Variants in SPG11 observed in about 807,000 individuals in gnomAD.
The protein encoded by SPG11 is spatacsin.
A neutral mutation model predicts 274.0 loss-of-function variants in SPG11; 222 were observed. The ratio of observed to expected loss-of-function variants is 0.81; its 90% CI spans 0.73 to 0.91. The LOEUF is 0.91. Among genes scored for constraint, SPG11 ranks in the 40% least tolerant of loss-of-function variants. SPG11 has a pLI of 0.00. For missense variants in SPG11, 3,114 were observed against 2,872.7 expected, an observed-to-expected ratio of 1.08 and a Z score of -1.92; for synonymous variants, 1,144 against 1,039.7, an observed-to-expected ratio of 1.10 and a Z score of -1.93.
Position 44,584,511 on chromosome 15 carries a change from T to A in SPG11, c.5169A>T (p.Leu1723=), listed in dbSNP as rs1180917772. ...QTLKHIEQWS[L]KQARIDFWKK... Reference sequence around the variant, plus strand: ...TCCAGAAGTCAATTCTTGCTTGTTTTAGTGACCACTGTTCAATGTGTTTTA... The same window carrying A: ...TCCAGAAGTCAATTCTTGCTTGTTTAAGTGACCACTGTTCAATGTGTTTTA... Residue 1723 remains leucine (L), a synonymous_variant, in exon 30 of 40, where the codon CTA becomes CTT. Transcript: ENST00000261866. The A allele has an allele frequency of 1.2e-6, 2 of 1,613,642 alleles. No homozygotes were observed. Among genetic ancestry groups the A allele is most frequent in the Non-Finnish European group, 1.7e-6 (2 of 1,180,048 alleles).
chr15:44,613,363 A>C, intron 17 of SPG11, 67 bp downstream of exon 17: 1 of 1,015,758 alleles, frequency 9.8e-7, no homozygotes, highest in Non-Finnish European at 1.6e-6. Context: ...TCACAAGTTT[A>C]ATACCATTCA....
intron 20 of SPG11, among the ~76,000 whole-genome samples, chr15:44,604,680 G>C (rs2083275078): frequency 6.6e-6 from 1 of 152,064 alleles, no homozygotes; most frequent in African/African-American, 2.4e-5. Context: ...TGTAATCCCA[G>C]CACTTTGGGA....
intron 23 of SPG11, among the ~76,000 whole-genome samples, chr15:44,597,760 G>T (rs1374946299): frequency 1.3e-5 from 2 of 152,200 alleles, no homozygotes; most frequent in African/African-American, 4.8e-5. Context: ...CCCCAGTGGG[G>T]CAGCATAAAG....
intron 7 of SPG11, among the ~76,000 whole-genome samples, chr15:44,637,633 A>T (rs1256085172): frequency 6.6e-6 from 1 of 152,162 alleles, no homozygotes; most frequent in African/African-American, 2.4e-5. Context: ...TTCAATTTTC[A>T]AGCACATGGA....
chr15:44,610,928 T>C lies in SPG11; in HGVS notation c.3203A>G (p.Asn1068Ser), dbSNP rs1439670067. The C allele has an allele frequency of 2.5e-6, 4 of 1,613,652 alleles. No individual in the cohort carries two copies. The highest frequency in any genetic ancestry group is 1.1e-5 in the South Asian group (1 of 91,062). The change falls in exon 18 of 40, where the codon AAT becomes AGT. Residue 1068 changes from asparagine to serine, a missense_variant. Asn to Ser is a conservative substitution (Grantham distance 46, BLOSUM62 1). Transcript: ENST00000261866. ...TAGCATACTGCTTACACTGGCCTGATTGGTGGGAATCAAAATCTGAGCATT... is the reference window on the plus strand; with the variant it reads ...TAGCATACTGCTTACACTGGCCTGACTGGTGGGAATCAAAATCTGAGCATT... Reference protein sequence around the residue: ...LANAQILIPTNQASVSSMLLE... With the variant: ...LANAQILIPTSQASVSSMLLE...
In SPG11 at chr15:44,567,576, G is replaced by GT; in HGVS notation, c.6601dup (p.Thr2201AsnfsTer16). 6.2e-7 allele frequency: 1 copy of GT among 1,614,000 alleles called. No individual in the cohort carries two copies. The highest frequency in any genetic ancestry group is 8.5e-7 in the Non-Finnish European group (1 of 1,179,960). On this transcript the variant is annotated frameshift_variant, in exon 36 of 40. Coordinates refer to ENST00000261866, the MANE Select transcript of SPG11 (RefSeq NM_025137.4). LOFTEE classifies it high-confidence loss of function. ...GCGTTTGATGTAGTCCAGCAGGGCTGTTTTCAGGGTACCACTCTGCCCAGA... is the reference window on the plus strand; with the variant it reads ...GCGTTTGATGTAGTCCAGCAGGGCTGTTTTTCAGGGTACCACTCTGCCCAGA...
chr15:44,573,610 T>C lies in SPG11; in HGVS notation c.6142A>G (p.Thr2048Ala), dbSNP rs2082471967. 6.2e-7 allele frequency: 1 copy of C among 1,614,210 alleles called. No homozygotes were observed. The highest frequency in any genetic ancestry group is 8.5e-7 in the Non-Finnish European group (1 of 1,180,038). Reference protein sequence around the residue: ...FISTQGLKPDTVAELVAEEVT... With the variant: ...FISTQGLKPDAVAELVAEEVT... Reference sequence around the variant, plus strand: ...TCTTCTGCCACGAGTTCAGCCACAGTATCTGGCTTAAGGCCCTGTGTGCTG... The same window carrying C: ...TCTTCTGCCACGAGTTCAGCCACAGCATCTGGCTTAAGGCCCTGTGTGCTG... Residue 2048 changes from threonine to alanine, a missense_variant, in exon 32 of 40, where the codon ACT becomes GCT. By Grantham distance (58) the Thr-to-Ala change is moderately conservative. Coordinates refer to ENST00000261866, the MANE Select transcript of SPG11 (RefSeq NM_025137.4).
In SPG11 at chr15:44,618,906, C is replaced by G. The variant is rs965584523; in HGVS notation, c.2834+1284G>C. ...TAAATAGGCTGAATTTTATCAAATG[C>G]TTTTCTGTATCTAACAGGGTGGTAT... On this transcript the variant is annotated intron_variant, in intron 15 of 39. Transcript: ENST00000261866. Among the ~76,000 whole-genome samples, 11 of 152,080 alleles carry G rather than the reference C, an allele frequency of 7.2e-5. No individual in the cohort carries two copies. The South Asian group carries it at 1.5e-3, about 20-fold the overall frequency.
At position 44,638,439 on chromosome 15, in the gene SPG11, C is replaced by T. The variant is rs532552118; in HGVS notation, c.1603-4802G>A. On this transcript the variant is annotated intron_variant, in intron 7 of 39. Coordinates refer to ENST00000261866, the MANE Select transcript of SPG11 (RefSeq NM_025137.4). ...CGTGCCACCTGCACTCCAGCCTGGG[C>T]GACAGAGCAAGACTCCATCTCAAAA... Among the ~76,000 whole-genome samples the T allele has an allele frequency of 8.8e-4, 132 of 150,394 alleles. 2 individuals are homozygous for T. The highest frequency in any genetic ancestry group is 3.1e-3 in the African/African-American group (128 of 40,776).
At chr15:44,605,844 T>C (rs2083304452) in intron 20 of SPG11, among the ~76,000 whole-genome samples, 181 bp downstream of exon 20, 1 of 152,260 alleles carries the variant, frequency 6.6e-6, no homozygotes, top group Admixed American at 6.5e-5. Context: ...AGTAACCTAA[T>C]ACATTCACTT....
At chr15:44,584,661 G>T in intron 29 of SPG11, 103 bp from the exon 30 acceptor site, 1 of 1,376,294 alleles carries the variant, frequency 7.3e-7, no homozygotes, top group Non-Finnish European at 1.0e-6. Context: ...CAGGGTCTCA[G>T]TCTGTCACCC....
At position 44,563,275 on chromosome 15, in the gene SPG11, A is replaced by AT; in HGVS notation, c.7177dup (p.Met2393AsnfsTer14). The AT allele has an allele frequency of 6.2e-7, 1 of 1,613,810 alleles. No individual in the cohort carries two copies. The highest frequency in any genetic ancestry group is 8.5e-7 in the Non-Finnish European group (1 of 1,179,722). ...TAATTTCTTCAGGTTTTCCATGACC[A>AT]TGTCAGTAGGCTGATGTTGTTTATA... On this transcript the variant is annotated frameshift_variant, in exon 40 of 40. Coordinates refer to ENST00000261866, the MANE Select transcript of SPG11 (RefSeq NM_025137.4). LOFTEE classifies it high-confidence loss of function.
chr15:44,570,961 C>T (rs1374735731), intron 33 of SPG11, among the ~76,000 whole-genome samples: 1 of 152,178 alleles, frequency 6.6e-6, no homozygotes, highest in Non-Finnish European at 1.5e-5. Flanking sequence ...GAGAAACTTT[C>T]TGCAGACAAA....
intron 17 of SPG11, among the ~76,000 whole-genome samples, chr15:44,612,091 G>A (rs1460144655): frequency 6.6e-6 from 1 of 152,150 alleles, no homozygotes; most frequent in Non-Finnish European, 1.5e-5. Context: ...TTACAGGCAT[G>A]AGCCACTGCG....
chr15:44,594,595 C>T (rs753092994), intron 26 of SPG11, among the ~76,000 whole-genome samples: 10 of 76,346 alleles, frequency 1.3e-4, no homozygotes, highest in African/African-American at 2.7e-4. Context: ...ATTAAAAATG[C>T]GAAAAAAAAA....
At position 44,648,967 on chromosome 15, in the gene SPG11, A is replaced by C. The variant is rs1373088184; in HGVS notation, c.1501T>G (p.Phe501Val). ...LILFGLTQEEFLNRLMIHGSA... is the reference protein window; with the variant it reads ...LILFGLTQEEVLNRLMIHGSA... ...CCATGGATCATGAGTCTGTTTAAAA[A>C]CTCTTCTTGAGTCAAACCAAACAAA... Residue 501 changes from phenylalanine to valine, a missense_variant, in exon 7 of 40, where the codon TTT (phenylalanine) becomes GTT (valine). Coordinates refer to ENST00000261866, the MANE Select transcript of SPG11 (RefSeq NM_025137.4). 1 of 1,613,626 alleles carries C rather than the reference A, an allele frequency of 6.2e-7. No individual in the cohort carries two copies. The highest frequency in any genetic ancestry group is 1.1e-5 in the South Asian group (1 of 91,064).
chr15:44,564,758 A>C (rs2082275543), intron 38 of SPG11, 60 bp from the exon 39 acceptor site: 4 of 1,578,746 alleles, frequency 2.5e-6, no homozygotes, highest in Admixed American at 3.3e-5. Flanking sequence ...AATCAAAAAC[A>C]AACTGTTGTA....
At chr15:44,632,944 A>G (rs995954287) in intron 8 of SPG11, among the ~76,000 whole-genome samples, 1 of 152,174 alleles carries the variant, frequency 6.6e-6, no homozygotes, top group Non-Finnish European at 1.5e-5. Context: ...AATTTGAAAG[A>G]TTGCCTCTTC....
Position 44,615,510 on chromosome 15 carries a change from A to G in SPG11, c.2891T>C (p.Leu964Pro). ...LEDFECFLLR[L>P]SRIGGVIQDT... ...CTGTATTACACCTCCAATACGGCTC[A>G]GTCTTAGGAGGAAGCATTCAAAGTC... The change falls in exon 16 of 40, where the codon CTG becomes CCG. Residue 964 changes from leucine (L) to proline (P), a missense_variant. Leu to Pro is a moderately conservative substitution (Grantham distance 98, BLOSUM62 -3). Coordinates refer to ENST00000261866, the MANE Select transcript of SPG11 (RefSeq NM_025137.4). 6.2e-7 allele frequency: 1 copy of G among 1,614,140 alleles called. No homozygotes were observed. Among genetic ancestry groups the G allele is most frequent in the South Asian group, 1.1e-5 (1 of 91,088 alleles).
Sources: allele counts gnomAD v4.1 joint callset (sites outside exome capture counted in the v4.1 genomes callset), GRCh38; gene constraint gnomAD v4.1.1; transcripts MANE v1.5; gene names NCBI Gene and HGNC (gene_info 2026-07-23, HGNC 2026-07-21).